CATSPERE: variants seen among roughly 807,000 people sequenced by gnomAD.
CATSPERE encodes cation channel sperm-associated auxiliary subunit epsilon.
In CATSPERE, 93 loss-of-function variants were observed where a neutral mutation model predicts 114.1. That is an observed-to-expected ratio of 0.81 (90% CI 0.69 to 0.97). The LOEUF is 0.97. Among genes scored for constraint, CATSPERE ranks in the 50% least tolerant of loss-of-function variants. The pLI is 0.00. For synonymous variants in CATSPERE, 341 were observed against 384.1 expected, an observed-to-expected ratio of 0.89 and a Z score of 1.31; for missense variants, 1,058 against 1,131.6, an observed-to-expected ratio of 0.93 and a Z score of 0.93.
chr1:244,539,933 T>C (rs1489786413), intron 8 of CATSPERE, among the ~76,000 whole-genome samples: 1 of 42,414 alleles, frequency 2.4e-5, no homozygotes, highest in African/African-American at 4.5e-5. Flanking sequence ...AGCTTCTGGA[T>C]TCATTAATTT....
At chr1:244,632,218 A>T (rs1674034562) in intron 20 of CATSPERE, among the ~76,000 whole-genome samples, 1 of 152,082 alleles carries the variant, frequency 6.6e-6, no homozygotes. Flanking sequence ...ACATAGTGAA[A>T]CCCCGTCTCT....
chr1:244,507,317 T>C (rs1372499677), intron 7 of CATSPERE, among the ~76,000 whole-genome samples: 2 of 152,210 alleles, frequency 1.3e-5, no homozygotes, highest in African/African-American at 4.8e-5. Context: ...GTTTAGTTTT[T>C]TGAAAAATTT....
chr1:244,583,170 C>T (rs913199886), intron 12 of CATSPERE, among the ~76,000 whole-genome samples: 51 of 152,126 alleles, frequency 3.4e-4, no homozygotes, highest in African/African-American at 1.1e-3. Flanking sequence ...ATAGAATACA[C>T]GTAAAATTGC....
chr1:244,588,277 A>G (rs1667279145), intron 13 of CATSPERE, among the ~76,000 whole-genome samples: 2 of 151,866 alleles, frequency 1.3e-5, no homozygotes, highest in African/African-American at 4.8e-5. Context: ...TTTGGGCCTC[A>G]TGAGCAGTAA....
intron 8 of CATSPERE, among the ~76,000 whole-genome samples, chr1:244,551,157 CT>C (rs1660560497): frequency 6.6e-6 from 1 of 152,174 alleles, no homozygotes; most frequent in South Asian, 2.1e-4. Flanking sequence ...TAAAATAAAG[CT>C]CTTTTCAGAT....
intron 20 of CATSPERE, among the ~76,000 whole-genome samples, chr1:244,630,878 T>A (rs1273831830): frequency 6.6e-6 from 1 of 152,130 alleles, no homozygotes; most frequent in African/African-American, 2.4e-5. Context: ...CATCTCAACT[T>A]CATTTAATGC....
In CATSPERE at chr1:244,633,248, C is replaced by G. The variant is rs2148752093; in HGVS notation, c.2649-2241C>G. Among the ~76,000 whole-genome samples, 1 of 152,342 alleles carries G rather than the reference C, an allele frequency of 6.6e-6. No homozygotes were observed. The highest frequency in any genetic ancestry group is 1.9e-4 in the East Asian group (1 of 5,188). On this transcript the variant is annotated intron_variant, in intron 20 of 21. Transcript: ENST00000366534. The surrounding 1 kb of genome is among the most constrained non-coding windows in gnomAD (Gnocchi z 4.1). Reference sequence around the variant, plus strand: ...ATCAGTAAGGATACAGAATACCTAACTGTGCTATCAACCAATTCAATCCAT... The same window carrying G: ...ATCAGTAAGGATACAGAATACCTAAGTGTGCTATCAACCAATTCAATCCAT...
intron 7 of CATSPERE, chr1:244,515,371 C>A: frequency 1.0e-6 from 1 of 954,904 alleles, no homozygotes; most frequent in Non-Finnish European, 1.2e-6. Flanking sequence ...TTTATAAATG[C>A]AGGTTTGAGA....
intron 20 of CATSPERE, among the ~76,000 whole-genome samples, chr1:244,626,283 C>G (rs1003468466): frequency 6.6e-6 from 1 of 151,806 alleles, no homozygotes; most frequent in Admixed American, 6.6e-5. Flanking sequence ...ATCAGGAGTT[C>G]GAAACCAGCC....
chr1:244,473,635 T>C (rs1159231171), intron 2 of CATSPERE, among the ~76,000 whole-genome samples: 1 of 152,276 alleles, frequency 6.6e-6, no homozygotes, highest in South Asian at 2.1e-4. Flanking sequence ...CAACCTTTTT[T>C]TTTGATTTGT....
chr1:244,528,196 A>C (rs3005930), intron 8 of CATSPERE, among the ~76,000 whole-genome samples: 19,585 of 152,130 alleles, frequency 0.13, 2,194 homozygotes, highest in African/African-American at 0.3. Context: ...TCAGCTCCCA[A>C]TTATAAGTGA....
intron 1 of CATSPERE, among the ~76,000 whole-genome samples, chr1:244,463,306 G>A (rs528119687): frequency 5.3e-5 from 8 of 152,178 alleles, no homozygotes; most frequent in Admixed American, 2.0e-4. Context: ...ACAGTGCTCT[G>A]TTAGATGAAT....
rs564930276 is a variant in CATSPERE, at chr1:244,472,832, A to G, written c.115-4709A>G. On this transcript the variant is annotated intron_variant, in intron 2 of 21. Transcript: ENST00000366534. ...CAACACTGATCTTTTAACTGTCTCCATAGTTTTGCCTTTTCCAGAATGTCA... is the reference window on the plus strand; with the variant it reads ...CAACACTGATCTTTTAACTGTCTCCGTAGTTTTGCCTTTTCCAGAATGTCA... Among the ~76,000 whole-genome samples, 5 of 152,128 alleles carry G rather than the reference A, an allele frequency of 3.3e-5. No homozygotes were observed. In the South Asian group the frequency reaches 1.0e-3, roughly 32 times the overall value.
At chr1:244,451,911 A>T, upstream of CATSPERE, 1 of 1,314,370 alleles carries the variant, frequency 7.6e-7, no homozygotes, top group Non-Finnish European at 1.0e-6. The surrounding 1 kb of genome is among the most constrained non-coding windows in gnomAD (Gnocchi z 6.6). Flanking sequence ...CATGCAGAGG[A>T]AGAAGGAGCC....
In CATSPERE at chr1:244,640,108, A is replaced by G. The variant is rs762821973; in HGVS notation, c.*27A>G. Reference sequence around the variant, plus strand: ...AAAACTGAAAGTTTGTTTATTACAGATATATGCATATAGAGAAACAGTGTA... The same window carrying G: ...AAAACTGAAAGTTTGTTTATTACAGGTATATGCATATAGAGAAACAGTGTA... On this transcript the variant is annotated 3_prime_UTR_variant, in exon 22 of 22. Coordinates refer to ENST00000366534, the MANE Select transcript of CATSPERE (RefSeq NM_001130957.2). The G allele has an allele frequency of 9.5e-5, 141 of 1,487,952 alleles. 1 individual carries two copies. The highest frequency in any genetic ancestry group is 1.3e-4 in the South Asian group (11 of 82,144). The allele number at this position is 1,487,952 out of a possible 1,614,324, so 92.2% of individuals were successfully genotyped here. A position where few individuals can be genotyped will look rare whatever the true frequency, so the allele number is the denominator to read the frequency against.
At chr1:244,620,540 T>C (rs1487626106) in intron 20 of CATSPERE, among the ~76,000 whole-genome samples, 1 of 152,172 alleles carries the variant, frequency 6.6e-6, no homozygotes, top group South Asian at 2.1e-4. Flanking sequence ...AATCTCATGG[T>C]GAACCAAAAA....
intron 17 of CATSPERE, chr1:244,598,744 A>T (rs1668776757): frequency 6.0e-6 from 1 of 166,526 alleles, no homozygotes; most frequent in South Asian, 1.4e-4. Context: ...GAAGCTTGAC[A>T]TCTGGCTCTC....
chr1:244,624,749 C>T (rs1419409046), intron 20 of CATSPERE, among the ~76,000 whole-genome samples: 2 of 151,896 alleles, frequency 1.3e-5, no homozygotes, highest in African/African-American at 4.8e-5. Context: ...CTGCAGTGAG[C>T]CGAGATCGCA....
chr1:244,606,346 C>G (rs778891827), intron 18 of CATSPERE, among the ~76,000 whole-genome samples: 39 of 152,088 alleles, frequency 2.6e-4, no homozygotes, highest in Non-Finnish European at 4.4e-4. Context: ...TTTCCCCTCC[C>G]TGTGTGGGCC....
Sources: allele counts gnomAD v4.1 joint callset (sites outside exome capture counted in the v4.1 genomes callset), GRCh38; gene constraint gnomAD v4.1.1; non-coding constraint Gnocchi (gnomAD v3.1); transcripts MANE v1.5; gene names NCBI Gene and HGNC (gene_info 2026-07-23, HGNC 2026-07-21).